SYT1: variants seen among roughly 807,000 people sequenced by gnomAD.
SYT1 encodes the protein synaptotagmin 1.
Under a neutral mutation model 44.8 loss-of-function variants are expected in SYT1, and 8 were observed. The ratio of observed to expected loss-of-function variants is 0.18; its 90% confidence interval spans 0.10 to 0.32. The LOEUF (loss-of-function observed/expected upper bound fraction) is 0.32, where lower values mean the gene tolerates loss of function less well. Among genes scored for constraint, SYT1 ranks in the 10% least tolerant of loss-of-function variants. The pLI is 1.00. For synonymous variants in SYT1, 154 were observed against 188.8 expected, an observed-to-expected ratio of 0.82 and a Z score of 1.51; for missense variants, 286 against 509.3, an observed-to-expected ratio of 0.56 and a Z score of 4.22.
intron 2 of SYT1, among the ~76,000 whole-genome samples, chr12:79,046,084 C>A (rs1874030105): frequency 6.6e-6 from 1 of 152,082 alleles, no homozygotes; most frequent in Non-Finnish European, 1.5e-5. Flanking sequence ...GGCAGTCAGG[C>A]AAACCTAGGT....
intron 4 of SYT1, among the ~76,000 whole-genome samples, chr12:79,284,844 A>T (rs11113455): frequency 6.6e-6 from 1 of 152,218 alleles, no homozygotes; most frequent in East Asian, 1.9e-4. Context: ...TCTCAAAAAA[A>T]AAAAAAAAAG....
chr12:78,876,795 A>ATTATATGTAATACATATCATATATTAT (rs1555177056), intron 1 of SYT1, among the ~76,000 whole-genome samples: 4 of 27,154 alleles, frequency 1.5e-4, no homozygotes, highest in Non-Finnish European at 2.5e-4. Flanking sequence ...TAATACATAT[A>ATTATATGTAATACATATCATATATTAT]ATATATTATA....
intron 1 of SYT1, among the ~76,000 whole-genome samples, chr12:78,919,846 A>G (rs1329536708): frequency 1.3e-5 from 2 of 152,044 alleles, no homozygotes; most frequent in African/African-American, 4.8e-5. Context: ...AAGAAAGTCT[A>G]ATTGTGTGTG....
intron 4 of SYT1, among the ~76,000 whole-genome samples, chr12:79,251,875 C>G (rs992060721): frequency 9.9e-5 from 15 of 152,068 alleles, no homozygotes; most frequent in Admixed American, 9.8e-4. Context: ...CTGACTTCAA[C>G]TAAGTGTATA....
intron 3 of SYT1, among the ~76,000 whole-genome samples, chr12:79,142,552 A>G (rs1869625533): frequency 6.6e-6 from 1 of 152,234 alleles, no homozygotes; most frequent in Admixed American, 6.5e-5. Context: ...TTAATCTCAC[A>G]TGCCAAGAAA....
intron 9 of SYT1, among the ~76,000 whole-genome samples, chr12:79,442,436 T>TAAAG (rs1870480711): frequency 6.6e-6 from 1 of 152,194 alleles, no homozygotes; most frequent in Non-Finnish European, 1.5e-5. Context: ...GCCTGGTTTT[T>TAAAG]AAAGATATTC....
chr12:79,148,635 A>G (rs1870073715), intron 3 of SYT1, among the ~76,000 whole-genome samples: 1 of 152,144 alleles, frequency 6.6e-6, no homozygotes, highest in Admixed American at 6.5e-5. Flanking sequence ...TCACACCTTG[A>G]AACATAAATG....
intron 5 of SYT1, among the ~76,000 whole-genome samples, chr12:79,286,750 GATA>G (rs879644666): frequency 1.1e-4 from 17 of 152,018 alleles, no homozygotes. Context: ...TATTATTAAT[GATA>G]ATTATTAAAT....
chr12:79,325,173 A>G (rs1881554332), intron 8 of SYT1, among the ~76,000 whole-genome samples: 1 of 152,188 alleles, frequency 6.6e-6, no homozygotes, highest in Non-Finnish European at 1.5e-5. Context: ...GGGGAGGCCA[A>G]ACCATCTGCT....
chr12:79,324,100 G>A (rs1347743040), intron 8 of SYT1, among the ~76,000 whole-genome samples: 3 of 151,832 alleles, frequency 2.0e-5, no homozygotes, highest in South Asian at 4.2e-4. Flanking sequence ...ACAGGTGCAC[G>A]CCACCACTCC....
chr12:79,066,988 T>G (rs1465649315), intron 3 of SYT1, among the ~76,000 whole-genome samples: 1 of 152,172 alleles, frequency 6.6e-6, no homozygotes, highest in Non-Finnish European at 1.5e-5. Context: ...TACATGAATG[T>G]TACTATACAT....
chr12:79,417,329 A>T (rs1209709757), intron 9 of SYT1, among the ~76,000 whole-genome samples: 1 of 152,088 alleles, frequency 6.6e-6, no homozygotes, highest in Non-Finnish European at 1.5e-5. Context: ...ATTTTTAAGG[A>T]AATGTGGAAT....
intron 2 of SYT1, among the ~76,000 whole-genome samples, chr12:79,022,701 T>C (rs1872275052): frequency 6.6e-6 from 1 of 151,664 alleles, no homozygotes; most frequent in African/African-American, 2.4e-5. Flanking sequence ...ACTTTTAATA[T>C]CTAGTAGGTT....
At chr12:79,033,577 G>T (rs1872948972) in intron 2 of SYT1, among the ~76,000 whole-genome samples, 1 of 151,236 alleles carries the variant, frequency 6.6e-6, no homozygotes, top group African/African-American at 2.4e-5. Flanking sequence ...CCTACCTTTG[G>T]TCTTTTCTGT....
At chr12:79,427,894 A>C (rs1323175388) in intron 9 of SYT1, among the ~76,000 whole-genome samples, 1 of 152,232 alleles carries the variant, frequency 6.6e-6, no homozygotes, top group Non-Finnish European at 1.5e-5. Flanking sequence ...CATTTAACTT[A>C]TGGTATAATT....
intron 9 of SYT1, among the ~76,000 whole-genome samples, chr12:79,391,905 A>G (rs1225788791): frequency 6.6e-6 from 1 of 152,234 alleles, no homozygotes; most frequent in Non-Finnish European, 1.5e-5. Context: ...TGAGGCCAGT[A>G]TCACGGTAAT....
At chr12:78,893,489 T>A (rs1875166419) in intron 1 of SYT1, among the ~76,000 whole-genome samples, 1 of 151,760 alleles carries the variant, frequency 6.6e-6, no homozygotes, top group Admixed American at 6.6e-5. Flanking sequence ...TTAGTGCCAA[T>A]AATCACTGAA....
chr12:78,948,880 C>G lies in SYT1; in HGVS notation c.-216-28919C>G, dbSNP rs1207102859. Among the ~76,000 whole-genome samples the G allele has an allele frequency of 2.0e-5, 3 of 151,518 alleles. No homozygotes were observed. In the East Asian group the frequency reaches 5.8e-4, roughly 29 times the overall value. ...TAAATTTGTGACAACTCCAGTTCTGCTGTCTCAAATGTAAGTTTCTTACAG... is the reference window on the plus strand; with the variant it reads ...TAAATTTGTGACAACTCCAGTTCTGGTGTCTCAAATGTAAGTTTCTTACAG... On this transcript the variant is annotated intron_variant, in intron 1 of 10. Transcript: ENST00000261205.
intron 3 of SYT1, among the ~76,000 whole-genome samples, chr12:79,066,646 TTAA>T (rs1486027922): frequency 5.3e-5 from 8 of 152,164 alleles, no homozygotes; most frequent in African/African-American, 1.9e-4. Context: ...ATGGGGATAA[TTAA>T]TAATTAGTGC....
Sources: gnomAD v4.1 joint callset for allele counts (sites outside exome capture counted in the v4.1 genomes callset) on GRCh38, gnomAD v4.1.1 for gene constraint, MANE v1.5 for transcripts, NCBI Gene and HGNC (gene_info 2026-07-23, HGNC 2026-07-21) for gene names.